The following MON2 variants were observed in gnomAD, a reference collection of about 807,000 sequenced individuals.
MON2 encodes MON2 regulator of endosome-to-Golgi trafficking.
Under a neutral mutation model 208.6 loss-of-function variants are expected in MON2, and 84 were observed. The observed-to-expected ratio is 0.40, with a 90% CI of 0.34 to 0.48. The LOEUF is 0.48. Among genes scored for constraint, MON2 ranks in the 20% least tolerant of loss-of-function variants. MON2 has a pLI of 0.59. For missense variants in MON2, 1,611 were observed against 2,015.4 expected (o/e 0.80, Z 3.84); for synonymous variants, 660 against 694.0 (o/e 0.95, Z 0.77).
chr12:62,531,489 C>G (rs887416189), intron 11 of MON2, among the ~76,000 whole-genome samples: 3 of 152,032 alleles, frequency 2.0e-5, no homozygotes, highest in African/African-American at 7.2e-5. Context: ...ACTCTTTTTT[C>G]CAGGAATTAT....
At chr12:62,590,817 A>T (rs767240931) in intron 34 of MON2, among the ~76,000 whole-genome samples, 1 of 152,168 alleles carries the variant, frequency 6.6e-6, no homozygotes, top group Non-Finnish European at 1.5e-5. Flanking sequence ...AGTAGCTGGG[A>T]CCACCACGTC....
rs888603694 is a variant in MON2, at chr12:62,526,038, G to C, written c.1336G>C (p.Glu446Gln). ...GGGVTLLPAFEYRGTWIPILT... is the reference protein window; with the variant it reads ...GGGVTLLPAFQYRGTWIPILT... ...AGGTGTTACTTTGCTACCAGCATTT[G>C]AATATAGGGGAACCTGGATACCTAT... Residue 446 changes from glutamate to glutamine, a missense_variant, in exon 11 of 35, where the codon GAA becomes CAA. Physicochemically the swap from Glu to Gln is conservative, Grantham distance 29. Coordinates refer to ENST00000393630, the MANE Select transcript of MON2 (RefSeq NM_015026.3). The C allele has an allele frequency of 6.2e-7, 1 of 1,613,924 alleles. No individual in the cohort carries two copies. Among genetic ancestry groups the C allele is most frequent in the Non-Finnish European group, 8.5e-7 (1 of 1,179,886 alleles).
intron 29 of MON2, 51 bp from the exon 30 acceptor site, chr12:62,571,341 T>C: frequency 8.0e-7 from 1 of 1,250,372 alleles, no homozygotes; most frequent in South Asian, 1.9e-5. Flanking sequence ...TAATTAAAAT[T>C]GTGTGTGTAT....
At chr12:62,494,380 G>A (rs933518897) in intron 3 of MON2, among the ~76,000 whole-genome samples, 1 of 152,116 alleles carries the variant, frequency 6.6e-6, no homozygotes, top group Admixed American at 6.5e-5. Flanking sequence ...ATTATATGGA[G>A]TAATAATTTG....
At chr12:62,471,165 T>G (rs1452715064) in intron 1 of MON2, among the ~76,000 whole-genome samples, 5 of 151,710 alleles carry the variant, frequency 3.3e-5, no homozygotes, top group African/African-American at 1.2e-4. Context: ...GAGGAGGAAA[T>G]GTTTTGGGGG....
intron 4 of MON2, among the ~76,000 whole-genome samples, chr12:62,495,357 G>A (rs553338417): frequency 6.6e-6 from 1 of 152,136 alleles, no homozygotes; most frequent in African/African-American, 2.4e-5. Flanking sequence ...AAAGCCCCTT[G>A]GGTACAGCCA....
chr12:62,552,278 G>A (rs1358801726), intron 23 of MON2, among the ~76,000 whole-genome samples: 1 of 152,008 alleles, frequency 6.6e-6, no homozygotes, highest in African/African-American at 2.4e-5. Context: ...TTTTACATGG[G>A]AAAAAATGTA....
intron 4 of MON2, 37 bp from the exon 5 acceptor site, chr12:62,498,882 A>C: frequency 6.4e-7 from 1 of 1,552,228 alleles, no homozygotes; most frequent in South Asian, 1.2e-5. Flanking sequence ...TTTGCTTTTC[A>C]ATCTTATTTC....
intron 13 of MON2, 62 bp from the exon 14 acceptor site, chr12:62,535,463 T>A (rs1199400845): frequency 8.1e-7 from 1 of 1,237,930 alleles, no homozygotes; most frequent in African/African-American, 1.5e-5. Flanking sequence ...TAATTCCACA[T>A]CATGCTTTAC....
intron 2 of MON2, chr12:62,490,026 T>C (rs2070029111): frequency 8.3e-7 from 1 of 1,210,700 alleles, no homozygotes. Context: ...GTTTAATTCT[T>C]TTTTTCCAGG....
At chr12:62,522,210 C>G (rs2072081837) in intron 8 of MON2, among the ~76,000 whole-genome samples, 1 of 152,004 alleles carries the variant, frequency 6.6e-6, no homozygotes, top group African/African-American at 2.4e-5. Flanking sequence ...AAGAGGCTAG[C>G]ATATCTCTTT....
chr12:62,569,053 T>A (rs921939582), intron 29 of MON2, among the ~76,000 whole-genome samples: 2 of 152,202 alleles, frequency 1.3e-5, no homozygotes, highest in African/African-American at 2.4e-5. Context: ...TGGACAAGGC[T>A]CTTTCTCCAA....
chr12:62,559,230 A>G (rs1055782514), intron 25 of MON2, among the ~76,000 whole-genome samples: 1 of 152,250 alleles, frequency 6.6e-6, no homozygotes, highest in Non-Finnish European at 1.5e-5. Flanking sequence ...TATTTATTTT[A>G]CATGTTTCAT....
chr12:62,506,025 G>T (rs982054639), intron 7 of MON2, among the ~76,000 whole-genome samples: 1 of 152,200 alleles, frequency 6.6e-6, no homozygotes, highest in African/African-American at 2.4e-5. Flanking sequence ...TGGGATGGTT[G>T]GTGATAGTGC....
chr12:62,521,130 CA>C (rs2072018330), intron 8 of MON2, among the ~76,000 whole-genome samples: 1 of 151,790 alleles, frequency 6.6e-6, no homozygotes, highest in Admixed American at 6.6e-5. Context: ...CTCAGCCTCC[CA>C]AGTAGCTGGG....
chr12:62,575,887 A>G (rs1250238997), intron 30 of MON2, among the ~76,000 whole-genome samples: 2 of 152,172 alleles, frequency 1.3e-5, no homozygotes, highest in Non-Finnish European at 2.9e-5. Flanking sequence ...AGGAGACACA[A>G]TGGGTGAGTG....
At chr12:62,521,573 G>A (rs1418398481) in intron 8 of MON2, among the ~76,000 whole-genome samples, 1 of 152,154 alleles carries the variant, frequency 6.6e-6, no homozygotes, top group Non-Finnish European at 1.5e-5. Context: ...AGAGAATTAT[G>A]TGCTTCCCAG....
intron 22 of MON2, 108 bp from the exon 23 acceptor site, chr12:62,549,560 C>T (rs1182156004): frequency 1.1e-6 from 1 of 915,488 alleles, no homozygotes; most frequent in Non-Finnish European, 1.6e-6. Context: ...GAGAGTGAGG[C>T]ATGATCGCAC....
At chr12:62,470,251 A>G (rs540649785) in intron 1 of MON2, among the ~76,000 whole-genome samples, 2 of 152,146 alleles carry the variant, frequency 1.3e-5, no homozygotes, top group African/African-American at 4.8e-5. Flanking sequence ...AAAGATTTCA[A>G]ATCTGTTAGA....
Sources: allele counts gnomAD v4.1 joint callset (sites outside exome capture counted in the v4.1 genomes callset), GRCh38; gene constraint gnomAD v4.1.1; transcripts MANE v1.5; gene names NCBI Gene and HGNC (gene_info 2026-07-23, HGNC 2026-07-21).